The following SUSD1 variants were observed in gnomAD, a reference collection of about 807,000 sequenced individuals.
SUSD1 encodes sushi domain-containing protein 1.
A neutral mutation model predicts 86.9 loss-of-function variants in SUSD1; 65 were observed. That is an observed-to-expected ratio of 0.75 (90% confidence interval 0.61 to 0.92). The LOEUF is 0.92. Among genes scored for constraint, SUSD1 ranks in the 40% least tolerant of loss-of-function variants. SUSD1 has a pLI of 0.00. For synonymous variants in SUSD1, 346 were observed against 350.0 expected, an observed-to-expected ratio of 0.99 and a Z score of 0.13; for missense variants, 850 against 929.7, an observed-to-expected ratio of 0.91 and a Z score of 1.11.
At chr9:112,101,761 G>A (rs535963746) in intron 9 of SUSD1, among the ~76,000 whole-genome samples, 1 of 152,118 alleles carries the variant, frequency 6.6e-6, no homozygotes, top group Non-Finnish European at 1.5e-5. Flanking sequence ...CAAGAGAATC[G>A]CTTGAACCCC....
intron 12 of SUSD1, among the ~76,000 whole-genome samples, chr9:112,076,688 G>A (rs1829530447): frequency 6.6e-6 from 1 of 152,180 alleles, no homozygotes; most frequent in Non-Finnish European, 1.5e-5. Flanking sequence ...ATAGCCATAA[G>A]ACTGGTTGAG....
intron 2 of SUSD1, among the ~76,000 whole-genome samples, chr9:112,153,706 T>G (rs940754797): frequency 6.6e-6 from 1 of 151,368 alleles, no homozygotes; most frequent in East Asian, 1.9e-4. Flanking sequence ...CTCTGCCTCC[T>G]GGGTTCAAGC....
intron 15 of SUSD1, among the ~76,000 whole-genome samples, chr9:112,050,736 A>T (rs761398453): frequency 2.6e-5 from 4 of 152,200 alleles, no homozygotes; most frequent in African/African-American, 9.6e-5. Flanking sequence ...GATTTCTGGT[A>T]TTAGCTACAA....
chr9:112,165,913 G>GAAAAA (rs1452059359), intron 1 of SUSD1, among the ~76,000 whole-genome samples: 2 of 67,258 alleles, frequency 3.0e-5, no homozygotes, highest in African/African-American at 1.5e-4. Context: ...AAGGAAGGAA[G>GAAAAA]GAAGAAAGAA....
chr9:112,097,142 A>G (rs1203070052), intron 10 of SUSD1, among the ~76,000 whole-genome samples: 3 of 151,976 alleles, frequency 2.0e-5, no homozygotes, highest in African/African-American at 2.4e-5. Flanking sequence ...CCTGGCCAAC[A>G]TGGTGAAACC....
Position 112,111,703 on chromosome 9 carries a change from T to C in SUSD1, c.1122A>G (p.Thr374=), listed in dbSNP as rs771415472. ...CTGGCATCGAGCGCCTGGGAGGTGC[T>C]GTGGAGATGTTCACGGTGTAGTTGG... ...PGTNYTVNIS[T]APPRRSMPAV... is the part of the protein sequence containing the mutation. The change falls in exon 8 of 17, where the codon ACA becomes ACG. Residue 374 remains threonine (T), a synonymous_variant. Transcript: ENST00000374270. The C allele has an allele frequency of 2.8e-5, 45 of 1,614,026 alleles. No homozygotes were observed. The highest frequency in any genetic ancestry group is 6.7e-5 in the African/African-American group (5 of 74,926).
At chr9:112,093,596 T>C (rs925623949) in intron 10 of SUSD1, among the ~76,000 whole-genome samples, 22 of 152,118 alleles carry the variant, frequency 1.4e-4, no homozygotes, top group Admixed American at 7.9e-4. Flanking sequence ...TTGGAGAGAG[T>C]TCCTGGAAAC....
intron 2 of SUSD1, among the ~76,000 whole-genome samples, chr9:112,155,123 C>T (rs1031648155): frequency 5.3e-5 from 8 of 151,836 alleles, no homozygotes; most frequent in South Asian, 2.1e-4. Flanking sequence ...TGGTGGTGCC[C>T]GCCTGTAATC....
At chr9:112,054,896 C>G (rs1828380574) in intron 14 of SUSD1, among the ~76,000 whole-genome samples, 1 of 152,092 alleles carries the variant, frequency 6.6e-6, no homozygotes, top group Admixed American at 6.5e-5. Context: ...AAAGTGCAAC[C>G]CACAGAATGG....
chr9:112,098,415 A>G, intron 10 of SUSD1, 55 bp downstream of exon 10: 1 of 1,574,034 alleles, frequency 6.4e-7, no homozygotes, highest in Admixed American at 1.7e-5. Context: ...CACACTGCTC[A>G]ATTCACATAG....
intron 10 of SUSD1, among the ~76,000 whole-genome samples, chr9:112,083,006 C>T (rs921140786): frequency 6.6e-6 from 1 of 152,140 alleles, no homozygotes; most frequent in African/African-American, 2.4e-5. Context: ...TCCCAAAGTG[C>T]TGGATTATAA....
chr9:112,128,479 C>T (rs998250184), intron 5 of SUSD1, among the ~76,000 whole-genome samples: 9 of 151,808 alleles, frequency 5.9e-5, no homozygotes, highest in African/African-American at 2.2e-4. Flanking sequence ...CTGCAACCTC[C>T]GTCTCCTGGG....
At chr9:112,122,009 C>A (rs1831576691) in intron 6 of SUSD1, among the ~76,000 whole-genome samples, 1 of 152,172 alleles carries the variant, frequency 6.6e-6, no homozygotes, top group East Asian at 1.9e-4. Flanking sequence ...AAATGCGCCC[C>A]ACAGATTATC....
At chr9:112,137,776 T>C (rs563696521) in intron 5 of SUSD1, 1 of 152,288 alleles carries the variant, frequency 6.6e-6, no homozygotes, top group East Asian at 1.9e-4. Flanking sequence ...TTTCTTTGTC[T>C]GATATGTGAA....
At chr9:112,109,711 T>C (rs1831009636) in intron 8 of SUSD1, among the ~76,000 whole-genome samples, 1 of 152,218 alleles carries the variant, frequency 6.6e-6, no homozygotes, top group Admixed American at 6.5e-5. Context: ...AACAGCAACC[T>C]GTCATCCTCA....
At position 112,157,523 on chromosome 9, in the gene SUSD1, C is replaced by A. The variant is rs1833382207; in HGVS notation, c.194G>T (p.Gly65Val). 6.2e-7 allele frequency: 1 copy of A among 1,614,018 alleles called. No homozygotes were observed. The highest frequency in any genetic ancestry group is 8.5e-7 in the Non-Finnish European group (1 of 1,179,926). Residue 65 changes from glycine to valine, a missense_variant, in exon 2 of 17, where the codon GGG (glycine) becomes GTG (valine). Physicochemically the swap from Gly to Val is moderately radical, Grantham distance 109 (BLOSUM62 -3). Coordinates refer to ENST00000374270, the MANE Select transcript of SUSD1 (RefSeq NM_022486.5). ...ACCAACACACTGAGTCCTCCCGTTC[C>A]CTACAAATCCATAGTTGCAAATACA... is the stretch of plus-strand genomic sequence containing the variant. ...KICICNYGFVGNGRTQCVDKN... is the reference protein window; with the variant it reads ...KICICNYGFVVNGRTQCVDKN...
chr9:112,115,818 A>AAG (rs1214471832), intron 6 of SUSD1, among the ~76,000 whole-genome samples: 7 of 20,964 alleles, frequency 3.3e-4, no homozygotes, highest in African/African-American at 1.0e-3. Context: ...CAAAAAAAAA[A>AAG]AAAAAGAAAA....
chr9:112,099,845 C>G (rs774004613), intron 9 of SUSD1, among the ~76,000 whole-genome samples: 2 of 152,218 alleles, frequency 1.3e-5, no homozygotes, highest in Non-Finnish European at 2.9e-5. Context: ...ATTCTTCTCT[C>G]TCAAACTCTT....
chr9:112,054,806 G>A (rs1828375324), intron 14 of SUSD1, among the ~76,000 whole-genome samples: 1 of 151,916 alleles, frequency 6.6e-6, no homozygotes, highest in South Asian at 2.1e-4. Context: ...ACAAGACACA[G>A]GCAACAAAAG....
Sources: allele counts gnomAD v4.1 joint callset (sites outside exome capture counted in the v4.1 genomes callset), GRCh38; gene constraint gnomAD v4.1.1; transcripts MANE v1.5; gene names NCBI Gene and HGNC (gene_info 2026-07-23, HGNC 2026-07-21).